CACNA1B: variants seen among roughly 807,000 people sequenced by gnomAD.
CACNA1B encodes the protein voltage-dependent N-type calcium channel subunit alpha-1B.
CACNA1B carries 70 observed loss-of-function variants against 247.2 expected under a neutral mutation model. The ratio of observed to expected loss-of-function variants is 0.28; its 90% CI spans 0.23 to 0.35. The LOEUF (loss-of-function observed/expected upper bound fraction) is 0.35, where lower values mean the gene tolerates loss of function less well. Among genes scored for constraint, CACNA1B ranks in the 10% least tolerant of loss-of-function variants. CACNA1B has a pLI of 1.00. For synonymous variants in CACNA1B, 1,231 were observed against 1,294.4 expected, an observed-to-expected ratio of 0.95 and a Z score of 1.05; for missense variants, 2,367 against 3,197.4, an observed-to-expected ratio of 0.74 and a Z score of 6.26.
chr9:138,099,213 T>TGTACATGTGTGTTGTGCACGC (rs1261688917), intron 37 of CACNA1B, among the ~76,000 whole-genome samples: 1 of 152,262 alleles, frequency 6.6e-6, no homozygotes, highest in Non-Finnish European at 1.5e-5. Flanking sequence ...TCTGTGCATG[T>TGTACATGTGTGTTGTGCACGC]GTACATGTGT....
At position 138,058,431 on chromosome 9, in the gene CACNA1B, A is replaced by G. The variant is rs977123402; in HGVS notation, c.4309-138A>G. On this transcript the variant is annotated intron_variant, in intron 28 of 46. Transcript: ENST00000371372. The surrounding 1 kb of genome is among the most constrained non-coding windows in gnomAD (Gnocchi z 4.7). The stretch of plus-strand genomic sequence containing the variant: ...ATTTGGCTGGTTGAGGCCTGCTTGG[A>G]GAAGGTCTGGGCTGCTTCAATTTGT... The G allele has an allele frequency of 8.6e-6, 8 of 933,608 alleles. No homozygotes were observed. The African/African-American group carries it at 1.3e-4, about 15-fold the overall frequency. 57.8% of individuals were successfully genotyped at this position (933,608 alleles called of 1,614,324 possible). A position where few individuals can be genotyped will look rare whatever the true frequency, so the allele number is the denominator to read the frequency against.
intron 44 of CACNA1B, 42 bp from the exon 45 acceptor site, chr9:138,120,123 C>G (rs1398478869): frequency 5.3e-6 from 8 of 1,517,564 alleles, no homozygotes; most frequent in Non-Finnish European, 6.3e-6. Context: ...CCCGCTGACC[C>G]TGGTGCCTCC....
intron 23 of CACNA1B, among the ~76,000 whole-genome samples, chr9:138,047,899 T>C (rs1959197148): frequency 6.6e-6 from 1 of 152,182 alleles, no homozygotes; most frequent in African/African-American, 2.4e-5. Flanking sequence ...AGGGCATTTG[T>C]CTTATGATAG....
chr9:138,032,912 G>A, intron 20 of CACNA1B: 2 of 294,958 alleles, frequency 6.8e-6, no homozygotes, highest in Non-Finnish European at 1.3e-5. Flanking sequence ...GAATTTGTAG[G>A]TTTATATCTT....
chr9:138,120,386 G>A lies in CACNA1B; in HGVS notation c.6238+14G>A. The A allele has an allele frequency of 6.5e-7, 1 of 1,534,338 alleles. No homozygotes were observed. The highest frequency in any genetic ancestry group is 8.7e-7 in the Non-Finnish European group (1 of 1,144,412). On this transcript the variant is annotated intron_variant, in intron 45 of 46. Coordinates refer to ENST00000371372, the MANE Select transcript of CACNA1B (RefSeq NM_000718.4). ...ATATGGATGGCGGTGCGTGCGGAGGGGCCCGGGGAGTCCTTCGGGGAGCTA... is the reference window on the plus strand; with the variant it reads ...ATATGGATGGCGGTGCGTGCGGAGGAGCCCGGGGAGTCCTTCGGGGAGCTA...
chr9:138,085,157 T>A (rs1960654563), intron 36 of CACNA1B, among the ~76,000 whole-genome samples: 2 of 149,620 alleles, frequency 1.3e-5, no homozygotes, highest in African/African-American at 2.5e-5. Flanking sequence ...GAATGAAAAA[T>A]TCAACAAAGA....
intron 37 of CACNA1B, among the ~76,000 whole-genome samples, chr9:138,099,060 T>C (rs73575886): frequency 0.054 from 8,233 of 152,348 alleles, 689 homozygotes; most frequent in African/African-American, 0.17. Context: ...CTCCTCGTTC[T>C]TTGGGAGAAA....
chr9:138,074,545 C>T (rs1007162591), intron 34 of CACNA1B, among the ~76,000 whole-genome samples: 6 of 152,220 alleles, frequency 3.9e-5, no homozygotes, highest in Non-Finnish European at 8.8e-5. Context: ...CTGGCCTAAA[C>T]TTACGTAACC....
At chr9:137,993,393 G>C (rs1958458130) in intron 15 of CACNA1B, among the ~76,000 whole-genome samples, 2 of 149,260 alleles carry the variant, frequency 1.3e-5, no homozygotes, top group Non-Finnish European at 3.0e-5. Flanking sequence ...TGTCTAGATG[G>C]ATAAAATTTT....
At chr9:138,001,496 G>T (rs1048989117) in intron 15 of CACNA1B, among the ~76,000 whole-genome samples, 2 of 152,010 alleles carry the variant, frequency 1.3e-5, no homozygotes, top group African/African-American at 4.8e-5. Flanking sequence ...CCATAGCAAG[G>T]ATCATAGATA....
chr9:137,986,873 A>G lies in CACNA1B; in HGVS notation c.1974+19A>G, dbSNP rs762442642. The G allele has an allele frequency of 6.3e-7, 1 of 1,599,334 alleles. No homozygotes were observed. The highest frequency in any genetic ancestry group is 8.6e-7 in the Non-Finnish European group (1 of 1,167,078). On this transcript the variant is annotated intron_variant, in intron 15 of 46. Transcript: ENST00000371372. This position sits in a 1 kb window ranked among gnomAD's most constrained non-coding sequence, Gnocchi z 6.0. ...CTTCCAGGTAAGGCACCTGCTCTGC[A>G]CATTTGCGGCCTGCCCGGCTCCCGT...
At chr9:138,105,260 C>T (rs1355620944) in intron 38 of CACNA1B, among the ~76,000 whole-genome samples, 1 of 152,236 alleles carries the variant, frequency 6.6e-6, no homozygotes, top group Non-Finnish European at 1.5e-5. Flanking sequence ...GGACCACCTA[C>T]TCCTTGTCCA....
Position 138,012,623 on chromosome 9 carries a change from A to C in CACNA1B, c.2161-506A>C, listed in dbSNP as rs1174780005. Reference sequence around the variant, plus strand: ...CAGCTGCATGGGAGGCTGAGGTTAGAGGATCACTTAAGCCTGGGAGGTCGA... The same window carrying C: ...CAGCTGCATGGGAGGCTGAGGTTAGCGGATCACTTAAGCCTGGGAGGTCGA... On this transcript the variant is annotated intron_variant, in intron 17 of 46. Transcript: ENST00000371372. This position sits in a 1 kb window ranked among gnomAD's most constrained non-coding sequence, Gnocchi z 4.2. Among the ~76,000 whole-genome samples the C allele has an allele frequency of 1.3e-5, 2 of 151,812 alleles. No homozygotes were observed. The highest frequency in any genetic ancestry group is 2.9e-5 in the Non-Finnish European group (2 of 67,970).
chr9:138,034,651 AG>A (rs1377076065), intron 20 of CACNA1B, among the ~76,000 whole-genome samples: 1 of 151,772 alleles, frequency 6.6e-6, no homozygotes, highest in Non-Finnish European at 1.5e-5. Context: ...GATATATATG[AG>A]GCATAAAAGA....
At position 137,952,133 on chromosome 9, in the gene CACNA1B, C is replaced by T. The variant is rs1251138020; in HGVS notation, c.967-141C>T. 1.5e-6 allele frequency: 1 copy of T among 662,030 alleles called. No individual in the cohort carries two copies. Among genetic ancestry groups the T allele is most frequent in the Non-Finnish European group, 2.7e-6 (1 of 364,284 alleles). 41.0% of individuals were successfully genotyped at this position (662,030 alleles called of 1,614,324 possible). Reference sequence around the variant, plus strand: ...GACTCCAGCCCCATGCTTGGACCTCCCTGTGACTGGCCTCCCCACTGCCTG... The same window carrying T: ...GACTCCAGCCCCATGCTTGGACCTCTCTGTGACTGGCCTCCCCACTGCCTG... On this transcript the variant is annotated intron_variant, in intron 6 of 46. Coordinates refer to ENST00000371372, the MANE Select transcript of CACNA1B (RefSeq NM_000718.4). This position sits in a 1 kb window ranked among gnomAD's most constrained non-coding sequence, Gnocchi z 4.8.
In CACNA1B at chr9:137,917,342, G is replaced by T; in HGVS notation, c.877G>T (p.Gly293Cys). Reference sequence around the variant, plus strand: ...GGAGTACTGGCCAGGACCCAACTTTGGCATCACCAACTTTGACAATATCCT... The same window carrying T: ...GGAGTACTGGCCAGGACCCAACTTTTGCATCACCAACTTTGACAATATCCT... ...CREYWPGPNF[G>C]ITNFDNILFA... The change falls in exon 6 of 47, where the codon GGC becomes TGC. Residue 293 changes from glycine (G) to cysteine (C), a missense_variant. By Grantham distance (159) the Gly-to-Cys change is radical. This residue lies in a region of CACNA1B where 130 missense variants were observed against 338.7 expected (regional missense o/e 0.38). Coordinates refer to ENST00000371372, the MANE Select transcript of CACNA1B (RefSeq NM_000718.4). This position sits in a 1 kb window ranked among gnomAD's most constrained non-coding sequence, Gnocchi z 5.5. 1 of 1,613,984 alleles carries T rather than the reference G, an allele frequency of 6.2e-7. No individual in the cohort carries two copies. The highest frequency in any genetic ancestry group is 8.5e-7 in the Non-Finnish European group (1 of 1,179,868).
At position 137,971,725 on chromosome 9, in the gene CACNA1B, C is replaced by A; in HGVS notation, c.1543+133C>A. 1 of 735,226 alleles carries A rather than the reference C, an allele frequency of 1.4e-6. No homozygotes were observed. The highest frequency in any genetic ancestry group is 1.8e-5 in the South Asian group (1 of 56,402). The allele number at this position is 735,226 out of a possible 1,614,324, so 45.5% of individuals were successfully genotyped here. On this transcript the variant is annotated intron_variant, in intron 11 of 46. Coordinates refer to ENST00000371372, the MANE Select transcript of CACNA1B (RefSeq NM_000718.4). The surrounding 1 kb of genome is among the most constrained non-coding windows in gnomAD (Gnocchi z 4.4). ...CCATGTTGCTCAAAGTATCCCACAG[C>A]CCTAGTCAGCCTCCAGGAGCCTCTG...
chr9:138,061,629 C>T lies in CACNA1B; in HGVS notation c.4668+1892C>T, dbSNP rs968202830. On this transcript the variant is annotated intron_variant, in intron 31 of 46. Coordinates refer to ENST00000371372, the MANE Select transcript of CACNA1B (RefSeq NM_000718.4). ...TCACCTGGCTCACATGCATCCCCTG[C>T]GTGTGCTCCAAGCTGATGTTATATG... 1.4e-4 allele frequency among the ~76,000 whole-genome samples: 21 copies of T among 152,304 alleles called. No individual in the cohort carries two copies. The East Asian group carries it at 3.7e-3, about 27-fold the overall frequency.
At chr9:138,064,776 C>T (rs1959856203) in intron 31 of CACNA1B, among the ~76,000 whole-genome samples, 1 of 152,358 alleles carries the variant, frequency 6.6e-6, no homozygotes, top group Non-Finnish European at 1.5e-5. Flanking sequence ...GCCATGGAGC[C>T]TCTGCAGCTC....
Sources: gnomAD v4.1 joint callset for allele counts (sites outside exome capture counted in the v4.1 genomes callset) on GRCh38, gnomAD v4.1.1 for gene constraint, gnomAD v4.1.1 regional missense constraint, Gnocchi (gnomAD v3.1) non-coding constraint, MANE v1.5 for transcripts, NCBI Gene and HGNC (gene_info 2026-07-23, HGNC 2026-07-21) for gene names.